The following ASB7 variants were observed in gnomAD, a reference collection of about 807,000 sequenced individuals.
ASB7 encodes the protein ankyrin repeat and SOCS box containing 7, also known as ankyrin repeat and SOCS box protein 7.
Under a neutral mutation model 32.5 loss-of-function variants are expected in ASB7, and 4 were observed. The observed-to-expected ratio is 0.12, with a 90% CI of 0.06 to 0.28. The LOEUF (loss-of-function observed/expected upper bound fraction) is 0.28, where lower values mean the gene tolerates loss of function less well. ASB7 is among the 10% of genes least tolerant of loss of function. The probability of loss-of-function intolerance (pLI) is 1.00; values close to 1 mark genes in which losing one functional copy is unlikely to be tolerated. For synonymous variants in ASB7, 172 were observed against 155.6 expected (o/e 1.11, Z -0.78); for missense variants, 181 against 407.1 (o/e 0.44, Z 4.78).
At chr15:100,632,856 CA>C (rs779025596) in intron 5 of ASB7, among the ~76,000 whole-genome samples, 82 of 64,184 alleles carry the variant, frequency 1.3e-3, no homozygotes, top group Admixed American at 5.6e-3. Flanking sequence ...CTATATAGTG[CA>C]AAAAAAAAAA....
chr15:100,616,964 G>A (rs1214011099), intron 4 of ASB7, among the ~76,000 whole-genome samples: 1 of 152,152 alleles, frequency 6.6e-6, no homozygotes, highest in Admixed American at 6.5e-5. Context: ...TTCTCACCAC[G>A]GTGTTCATTC....
chr15:100,611,481 A>ATTTTTTTTTTTTTTTTTTTTT (rs1188398570), intron 3 of ASB7, among the ~76,000 whole-genome samples: 10 of 13,284 alleles, frequency 7.5e-4, no homozygotes, highest in East Asian at 4.0e-3. Context: ...GATTGTTTCG[A>ATTTTTTTTTTTTTTTTTTTTT]TTCTTTTTTT....
chr15:100,612,055 A>G, intron 3 of ASB7, 111 bp from the exon 4 acceptor site: 1 of 674,342 alleles, frequency 1.5e-6, no homozygotes. Flanking sequence ...ATGCACTGTC[A>G]TTAGTAAGGT....
intron 4 of ASB7, among the ~76,000 whole-genome samples, chr15:100,621,973 A>G (rs897982454): frequency 7.2e-5 from 11 of 152,188 alleles, no homozygotes; most frequent in Middle Eastern, 3.4e-3. Context: ...AAAGGAATAA[A>G]AGGCATTCAA....
intron 5 of ASB7, chr15:100,645,430 C>A (rs1043488804): frequency 1.2e-5 from 4 of 340,054 alleles, no homozygotes; most frequent in Admixed American, 8.4e-5. Context: ...GTTCATGCCC[C>A]CCGGAATATC....
chr15:100,639,716 C>G (rs2039948053), intron 5 of ASB7, among the ~76,000 whole-genome samples: 1 of 152,144 alleles, frequency 6.6e-6, no homozygotes, highest in Non-Finnish European at 1.5e-5. Context: ...CTAGGTTTTT[C>G]AGTCCCAGTT....
chr15:100,608,882 G>A (rs2039670704), intron 2 of ASB7, among the ~76,000 whole-genome samples: 1 of 152,146 alleles, frequency 6.6e-6, no homozygotes, highest in South Asian at 2.1e-4. Context: ...ACATACAACT[G>A]CTGCGGGCCA....
Position 100,650,082 on chromosome 15 carries a change from AG to A in ASB7, c.*1622del, listed in dbSNP as rs2040021049. 1 of 152,240 alleles carries A rather than the reference AG, an allele frequency of 6.6e-6. No individual in the cohort carries two copies. Among genetic ancestry groups the A allele is most frequent in the South Asian group, 2.1e-4 (1 of 4,838 alleles). 9.4% of individuals were successfully genotyped at this position (152,240 alleles called of 1,614,324 possible). Reference sequence around the variant, plus strand: ...ATCTGCTTGTGCCTAAGCATTGCACAGGTTTCCGAAGACGGGCAGCTTCAGA... The same window carrying A: ...ATCTGCTTGTGCCTAAGCATTGCACAGTTTCCGAAGACGGGCAGCTTCAGA... On this transcript the variant is annotated 3_prime_UTR_variant, in exon 6 of 6. Coordinates refer to ENST00000332783, the MANE Select transcript of ASB7 (RefSeq NM_198243.3).
At chr15:100,611,484 C>CTTT (rs61153969) in intron 3 of ASB7, among the ~76,000 whole-genome samples, 16,067 of 77,232 alleles carry the variant, frequency 0.21, 4,280 homozygotes, top group Middle Eastern at 0.44. Context: ...TGTTTCGATT[C>CTTT]TTTTTTTTTT....
chr15:100,646,002 ATCT>A (rs891485149), intron 5 of ASB7: 13 of 473,870 alleles, frequency 2.7e-5, no homozygotes, highest in African/African-American at 1.6e-4. Flanking sequence ...CCTCCATTTC[ATCT>A]TCTTCTGTAG....
chr15:100,641,534 C>T (rs1397118896), intron 5 of ASB7, among the ~76,000 whole-genome samples: 1 of 152,224 alleles, frequency 6.6e-6, no homozygotes, highest in Non-Finnish European at 1.5e-5. Flanking sequence ...CACTTCATCT[C>T]TGCACATCTT....
intron 4 of ASB7, among the ~76,000 whole-genome samples, chr15:100,616,545 A>G (rs187132779): frequency 2.0e-5 from 3 of 152,314 alleles, no homozygotes; most frequent in African/African-American, 4.8e-5. Flanking sequence ...CTTTTTTCCC[A>G]TAAAGACAGC....
chr15:100,633,024 A>ACGTCAGGAG (rs2039895376), intron 5 of ASB7, among the ~76,000 whole-genome samples: 1 of 151,930 alleles, frequency 6.6e-6, no homozygotes, highest in African/African-American at 2.4e-5. Flanking sequence ...CCCTTCCAGG[A>ACGTCAGGAG]CGTCAGGAGC....
At chr15:100,603,884 C>T (rs1055476706) in intron 2 of ASB7, among the ~76,000 whole-genome samples, 4 of 152,114 alleles carry the variant, frequency 2.6e-5, no homozygotes, top group African/African-American at 9.7e-5. Context: ...AACCTGTGTA[C>T]CTTAAGAGTG....
chr15:100,616,287 A>G (rs900222038), intron 4 of ASB7, among the ~76,000 whole-genome samples: 1 of 150,746 alleles, frequency 6.6e-6, no homozygotes, highest in Admixed American at 6.6e-5. Flanking sequence ...AGATTTTGCA[A>G]TGTTTTCTCT....
In ASB7 at chr15:100,649,635, G is replaced by C. The variant is rs1221550136; in HGVS notation, c.*1173G>C. On this transcript the variant is annotated 3_prime_UTR_variant, in exon 6 of 6. Transcript: ENST00000332783. Reference sequence around the variant, plus strand: ...CCATTTTAAGGTTATATACAGTGAGGCTCTTCAGGACAATTATTTTCTGGG... The same window carrying C: ...CCATTTTAAGGTTATATACAGTGAGCCTCTTCAGGACAATTATTTTCTGGG... The C allele has an allele frequency of 6.6e-6, 1 of 152,158 alleles. No individual in the cohort carries two copies. Among genetic ancestry groups the C allele is most frequent in the Non-Finnish European group, 1.5e-5 (1 of 68,042 alleles). The allele number at this position is 152,158 out of a possible 1,614,324, so 9.4% of individuals were successfully genotyped here.
chr15:100,625,814 T>C (rs1347662631), intron 4 of ASB7, among the ~76,000 whole-genome samples: 2 of 152,188 alleles, frequency 1.3e-5, no homozygotes, highest in African/African-American at 2.4e-5. Flanking sequence ...GATTGGTGTA[T>C]GGAGAGACTT....
chr15:100,615,520 A>G (rs1342107168), intron 4 of ASB7, among the ~76,000 whole-genome samples: 1 of 152,202 alleles, frequency 6.6e-6, no homozygotes, highest in African/African-American at 2.4e-5. Context: ...TTTTTTGAGA[A>G]TGGCTGGAAT....
chr15:100,617,660 C>G (rs2039755153), intron 4 of ASB7, among the ~76,000 whole-genome samples: 1 of 152,186 alleles, frequency 6.6e-6, no homozygotes, highest in Non-Finnish European at 1.5e-5. Flanking sequence ...GATGTTATCC[C>G]TCTGTTATAT....
Sources: allele counts gnomAD v4.1 joint callset (sites outside exome capture counted in the v4.1 genomes callset), GRCh38; gene constraint gnomAD v4.1.1; transcripts MANE v1.5; gene names NCBI Gene and HGNC (gene_info 2026-07-23, HGNC 2026-07-21).